Variants in DHX8 observed in about 807,000 individuals in gnomAD.
DHX8 encodes DEAH-box helicase 8, also known as ATP-dependent RNA helicase DHX8.
A neutral mutation model predicts 140.7 loss-of-function variants in DHX8; 67 were observed. That is an observed-to-expected ratio of 0.48 (90% CI 0.39 to 0.58). The LOEUF is 0.58. DHX8 is among the 20% of genes least tolerant of loss of function. The probability of loss-of-function intolerance (pLI) is 0.00; values close to 1 mark genes in which losing one functional copy is unlikely to be tolerated. For synonymous variants in DHX8, 533 were observed against 553.2 expected (o/e 0.96, Z 0.51); for missense variants, 887 against 1,550.7 (o/e 0.57, Z 7.19).
downstream of DHX8, chr17:43,526,603 C>G (rs1970627158): frequency 6.5e-7 from 1 of 1,535,482 alleles, no homozygotes; most frequent in South Asian, 1.2e-5. Context: ...TGTTAATGAA[C>G]AGTTCAGAGG....
At chr17:43,490,640 A>G in intron 3 of DHX8, 177 bp downstream of exon 3, 1 of 597,940 alleles carries the variant, frequency 1.7e-6, no homozygotes, top group Non-Finnish European at 2.9e-6. Context: ...TGGGAGGCCA[A>G]GGTGGGAGTA....
At chr17:43,502,081 GA>G (rs969770779) in intron 11 of DHX8, among the ~76,000 whole-genome samples, 2 of 152,184 alleles carry the variant, frequency 1.3e-5, no homozygotes, top group Non-Finnish European at 2.9e-5. Flanking sequence ...GGTTTGTGGG[GA>G]AAGATGGTCA....
chr17:43,542,244 T>C (rs1002451395), intron 3 of DHX8, among the ~76,000 whole-genome samples: 1 of 152,154 alleles, frequency 6.6e-6, no homozygotes, highest in Non-Finnish European at 1.5e-5. Context: ...CCTTTATGTA[T>C]GGTGCACTTC....
At chr17:43,541,891 G>A (rs530012625) in intron 3 of DHX8, among the ~76,000 whole-genome samples, 2 of 152,132 alleles carry the variant, frequency 1.3e-5, no homozygotes, top group South Asian at 2.1e-4. Context: ...GAAAGATTAG[G>A]GAGGAGATTA....
chr17:43,526,672 G>C, downstream of DHX8: 1 of 1,525,486 alleles, frequency 6.6e-7, no homozygotes, highest in South Asian at 1.2e-5. Context: ...CTGCTTCTCA[G>C]CTAACTCCCT....
intron 8 of DHX8, 65 bp from the exon 9 acceptor site, chr17:43,496,098 AAAAAAACAAAACAAAACC>A: frequency 1.8e-6 from 2 of 1,104,264 alleles, no homozygotes; most frequent in African/African-American, 1.6e-5. Context: ...ATCCTGTCTC[AAAAAAACAAAACAAAACC>A]AAAAAACAAA....
intron 2 of DHX8, chr17:43,532,719 C>CCG (rs755436518): frequency 6.2e-7 from 1 of 1,614,022 alleles, no homozygotes; most frequent in South Asian, 1.1e-5. Flanking sequence ...ATCACCACCC[C>CCG]CGCCCCTGGG....
chr17:43,544,572 A>C (rs1434456236), downstream of DHX8: 1 of 173,318 alleles, frequency 5.8e-6, no homozygotes, highest in Non-Finnish European at 1.2e-5. Context: ...GATGAGTGAC[A>C]AATTAATTTC....
At chr17:43,490,340 T>A in intron 2 of DHX8, 51 bp from the exon 3 acceptor site, 1 of 1,435,578 alleles carries the variant, frequency 7.0e-7, no homozygotes, top group Non-Finnish European at 9.8e-7. Flanking sequence ...TAAGTGTATT[T>A]AAGCACTGAT....
chr17:43,539,857 A>G (rs139429996), intron 3 of DHX8, among the ~76,000 whole-genome samples: 1 of 152,372 alleles, frequency 6.6e-6, no homozygotes, highest in Non-Finnish European at 1.5e-5. Context: ...TTTAAATATC[A>G]GAGGTGCCAA....
At chr17:43,489,073 C>T (rs1193069117) in intron 1 of DHX8, among the ~76,000 whole-genome samples, 4 of 151,980 alleles carry the variant, frequency 2.6e-5, no homozygotes, top group Admixed American at 1.3e-4. Context: ...GGCGCAATGC[C>T]GGCTTACTGC....
At chr17:43,489,644 G>A (rs1316776765) in intron 2 of DHX8, 110 bp downstream of exon 2, 1 of 728,220 alleles carries the variant, frequency 1.4e-6, no homozygotes, top group Non-Finnish European at 2.2e-6. Flanking sequence ...GGGCTGGAGT[G>A]CAGTGGCGCC....
chr17:43,530,611 T>C (rs57462570), downstream of DHX8, among the ~76,000 whole-genome samples: 27 of 76,100 alleles, frequency 3.5e-4, no homozygotes, highest in East Asian at 4.4e-4. Flanking sequence ...CACGCGCGCG[T>C]GTGTGTGTGT....
chr17:43,537,716 C>T (rs1037106870), intron 3 of DHX8, among the ~76,000 whole-genome samples: 14 of 144,120 alleles, frequency 9.7e-5, no homozygotes, highest in Admixed American at 9.0e-4. Context: ...AAATAAAGGC[C>T]GGGCATGGTG....
At chr17:43,497,577 T>G (rs1968937529) in intron 9 of DHX8, among the ~76,000 whole-genome samples, 1 of 151,988 alleles carries the variant, frequency 6.6e-6, no homozygotes. Flanking sequence ...GCAACATAGC[T>G]AGGCCCTGTC....
At position 43,508,508 on chromosome 17, in the gene DHX8, A is replaced by C; in HGVS notation, c.2490A>C (p.Pro830=). 2 of 1,611,692 alleles carry C rather than the reference A, an allele frequency of 1.2e-6. No homozygotes were observed. Among genetic ancestry groups the C allele is most frequent in the Non-Finnish European group, 1.7e-6 (2 of 1,178,868 alleles). ...CCCGAATCTTTGACCCAGCTCCACC[A>C]GGCAGCAGAAAGGTAACATGGGCAA... ...MQTRIFDPAP[P]GSRKVVIATN... The change falls in exon 16 of 23, where the codon CCA becomes CCC. Residue 830 remains proline (P), a synonymous_variant. Coordinates refer to ENST00000262415, the MANE Select transcript of DHX8 (RefSeq NM_004941.3).
intron 2 of DHX8, among the ~76,000 whole-genome samples, chr17:43,533,509 ATTCTT>A (rs1971073354): frequency 6.6e-6 from 1 of 152,052 alleles, no homozygotes; most frequent in African/African-American, 2.4e-5. Flanking sequence ...GCCCTAGCCA[ATTCTT>A]TTCTTTTTCA....
chr17:43,526,779 A>G (rs954402877), downstream of DHX8: 22 of 1,117,452 alleles, frequency 2.0e-5, no homozygotes, highest in African/African-American at 2.6e-4. Flanking sequence ...ATTAAATTAT[A>G]TATTTTTAAA....
intron 11 of DHX8, among the ~76,000 whole-genome samples, 172 bp from the exon 12 acceptor site, chr17:43,504,472 T>C (rs1969381504): frequency 6.6e-6 from 1 of 152,266 alleles, no homozygotes; most frequent in Non-Finnish European, 1.5e-5. Context: ...CATTCCCTGC[T>C]GCCCCTTCTA....
Sources: gnomAD v4.1 joint callset for allele counts (sites outside exome capture counted in the v4.1 genomes callset) on GRCh38, gnomAD v4.1.1 for gene constraint, MANE v1.5 for transcripts, NCBI Gene and HGNC (gene_info 2026-07-23, HGNC 2026-07-21) for gene names.